The following GNA12 variants were observed in gnomAD, a reference collection of about 807,000 sequenced individuals.
The protein encoded by GNA12 is G protein subunit alpha 12, also known as guanine nucleotide-binding protein subunit alpha-12.
A neutral mutation model predicts 26.0 loss-of-function variants in GNA12; 9 were observed. That is an observed-to-expected ratio of 0.35 (90% CI 0.21 to 0.60). GNA12 has a LOEUF of 0.60. Ranked by LOEUF, GNA12 falls within the 20% of genes least tolerant of loss-of-function variation. The pLI is 0.78. For missense variants in GNA12, 405 were observed against 525.8 expected (o/e 0.77, Z 2.25); for synonymous variants, 264 against 219.6 (o/e 1.20, Z -1.79).
At chr7:2,790,535 C>T (rs1792490486) in intron 2 of GNA12, among the ~76,000 whole-genome samples, 1 of 152,206 alleles carries the variant, frequency 6.6e-6, no homozygotes, top group South Asian at 2.1e-4. Flanking sequence ...AGAAAGGACT[C>T]ACTGAAAGAA....
intron 1 of GNA12, among the ~76,000 whole-genome samples, chr7:2,834,920 G>T (rs1266266264): frequency 6.6e-6 from 1 of 152,132 alleles, no homozygotes; most frequent in Non-Finnish European, 1.5e-5. Flanking sequence ...GCATTTCCTG[G>T]ACGGGATCCC....
At chr7:2,739,525 GT>G (rs1790391954) in intron 2 of GNA12, among the ~76,000 whole-genome samples, 1 of 152,132 alleles carries the variant, frequency 6.6e-6, no homozygotes, top group Admixed American at 6.5e-5. Context: ...TATGTGGTTT[GT>G]TTTTCCATTT....
At chr7:2,737,447 C>G (rs973135763) in intron 2 of GNA12, among the ~76,000 whole-genome samples, 1 of 152,076 alleles carries the variant, frequency 6.6e-6, no homozygotes, top group Non-Finnish European at 1.5e-5. Context: ...CACTACCACA[C>G]CCGGCTAACT....
At chr7:2,788,424 C>A (rs1312675730) in intron 2 of GNA12, among the ~76,000 whole-genome samples, 4 of 152,232 alleles carry the variant, frequency 2.6e-5, no homozygotes, top group Admixed American at 1.3e-4. Flanking sequence ...TCCCCACCCT[C>A]CTCTGGCTCA....
chr7:2,742,681 A>AT (rs943112848), intron 2 of GNA12, among the ~76,000 whole-genome samples: 2 of 152,152 alleles, frequency 1.3e-5, no homozygotes, highest in African/African-American at 4.8e-5. Context: ...CAGAGTTTTG[A>AT]TTTTGAATGA....
chr7:2,803,599 G>T (rs1014215869), intron 1 of GNA12, among the ~76,000 whole-genome samples: 1 of 152,216 alleles, frequency 6.6e-6, no homozygotes, highest in Non-Finnish European at 1.5e-5. Flanking sequence ...CACAGGAGGG[G>T]ATGGCTTAGA....
At chr7:2,803,288 A>G (rs1792860632) in intron 1 of GNA12, among the ~76,000 whole-genome samples, 1 of 149,736 alleles carries the variant, frequency 6.7e-6, no homozygotes, top group Non-Finnish European at 1.5e-5. Flanking sequence ...CCTCGCTCAC[A>G]GACAGGCTGT....
At chr7:2,762,734 C>T (rs1791622512) in intron 2 of GNA12, 1 of 1,556,430 alleles carries the variant, frequency 6.4e-7, no homozygotes, top group Non-Finnish European at 8.7e-7. Flanking sequence ...CCCATGTCCT[C>T]CCTCCCGCAG....
At chr7:2,775,875 G>A (rs577590681) in intron 2 of GNA12, among the ~76,000 whole-genome samples, 42 of 152,286 alleles carry the variant, frequency 2.8e-4, no homozygotes, top group African/African-American at 1.0e-3. Flanking sequence ...GGTTACCCAG[G>A]GGCACAGGGC....
chr7:2,816,980 C>T (rs1793232476), intron 1 of GNA12, among the ~76,000 whole-genome samples: 1 of 152,136 alleles, frequency 6.6e-6, no homozygotes, highest in African/African-American at 2.4e-5. Context: ...CCCACTTCCA[C>T]CTCCTACCCC....
chr7:2,731,134 C>A lies in GNA12; in HGVS notation c.*47G>T. The A allele has an allele frequency of 7.6e-7, 1 of 1,315,228 alleles. No individual in the cohort carries two copies. 81.5% of individuals were successfully genotyped at this position (1,315,228 alleles called of 1,614,324 possible). A position where few individuals can be genotyped will look rare whatever the true frequency, so the allele number is the denominator to read the frequency against. On this transcript the variant is annotated 3_prime_UTR_variant, in exon 4 of 4. Coordinates refer to ENST00000275364, the MANE Select transcript of GNA12 (RefSeq NM_007353.3). The surrounding 1 kb of genome is among the most constrained non-coding windows in gnomAD (Gnocchi z 6.0). Reference sequence around the variant, plus strand: ...AACACACACCCAAGAGTCTGACCGACAGCCGTGGGGGCTGCTCAACGACGA... The same window carrying A: ...AACACACACCCAAGAGTCTGACCGAAAGCCGTGGGGGCTGCTCAACGACGA...
intron 2 of GNA12, among the ~76,000 whole-genome samples, chr7:2,772,827 G>C (rs1006368720): frequency 6.6e-6 from 1 of 152,152 alleles, no homozygotes; most frequent in Non-Finnish European, 1.5e-5. Flanking sequence ...TCCATTAAGA[G>C]ACCTGTCCAA....
intron 2 of GNA12, among the ~76,000 whole-genome samples, chr7:2,772,336 C>T (rs1044314259): frequency 8.6e-5 from 13 of 152,034 alleles, no homozygotes; most frequent in Admixed American, 6.5e-4. Flanking sequence ...CAGAGGCAGG[C>T]GGATCACGAG....
intron 1 of GNA12, among the ~76,000 whole-genome samples, chr7:2,832,491 T>C (rs761020551): frequency 1.3e-5 from 2 of 152,208 alleles, no homozygotes; most frequent in Non-Finnish European, 2.9e-5. Context: ...GCACCATCAC[T>C]GGAACGTTCC....
chr7:2,816,390 C>T (rs1793220381), intron 1 of GNA12, among the ~76,000 whole-genome samples: 1 of 152,136 alleles, frequency 6.6e-6, no homozygotes, highest in Admixed American at 6.6e-5. Flanking sequence ...GCCACTATGC[C>T]CAGCTAATTT....
chr7:2,792,320 T>G (rs1417203014), intron 2 of GNA12, among the ~76,000 whole-genome samples: 1 of 152,222 alleles, frequency 6.6e-6, no homozygotes, highest in Non-Finnish European at 1.5e-5. Context: ...CAAGATGATG[T>G]GGCCTCAGGC....
At chr7:2,843,121 T>TA (rs763792901) in intron 1 of GNA12, among the ~76,000 whole-genome samples, 2 of 151,656 alleles carry the variant, frequency 1.3e-5, no homozygotes, top group Admixed American at 6.6e-5. Flanking sequence ...AACAGAAAAG[T>TA]AAAAAGAGAC....
chr7:2,807,310 T>C (rs1293345946), intron 1 of GNA12, among the ~76,000 whole-genome samples: 1 of 152,216 alleles, frequency 6.6e-6, no homozygotes, highest in Non-Finnish European at 1.5e-5. Flanking sequence ...CAATAATAAG[T>C]AATAAAGTAC....
chr7:2,796,172 C>G (rs1057458373), intron 1 of GNA12, among the ~76,000 whole-genome samples: 2 of 152,154 alleles, frequency 1.3e-5, no homozygotes, highest in Non-Finnish European at 2.9e-5. Context: ...GCCTCCACCC[C>G]TTATCCGTGG....
Sources: gnomAD v4.1 joint callset for allele counts (sites outside exome capture counted in the v4.1 genomes callset) on GRCh38, gnomAD v4.1.1 for gene constraint, Gnocchi (gnomAD v3.1) non-coding constraint, MANE v1.5 for transcripts, NCBI Gene and HGNC (gene_info 2026-07-23, HGNC 2026-07-21) for gene names.